NDUFAF2: variants seen among roughly 807,000 people sequenced by gnomAD.
NDUFAF2 encodes NADH:ubiquinone oxidoreductase complex assembly factor 2, also known as NADH dehydrogenase [ubiquinone] 1 alpha subcomplex assembly factor 2.
In NDUFAF2, 13 loss-of-function variants were observed where a neutral mutation model predicts 22.8. That is an observed-to-expected ratio of 0.57 (90% CI 0.37 to 0.91). The LOEUF (loss-of-function observed/expected upper bound fraction) is 0.91. Ranked by LOEUF, NDUFAF2 falls within the 40% of genes least tolerant of loss-of-function variation. NDUFAF2 has a pLI of 0.01. For synonymous variants in NDUFAF2, 53 were observed against 64.2 expected, an observed-to-expected ratio of 0.83 and a Z score of 0.84; for missense variants, 162 against 195.2, an observed-to-expected ratio of 0.83 and a Z score of 1.01.
chr5:61,063,455 C>T (rs1462562345), intron 1 of NDUFAF2, among the ~76,000 whole-genome samples: 1 of 151,994 alleles, frequency 6.6e-6, no homozygotes, highest in Non-Finnish European at 1.5e-5. Flanking sequence ...CATGTTCATG[C>T]CACTGCACTC....
intron 1 of NDUFAF2, among the ~76,000 whole-genome samples, chr5:60,956,678 G>A (rs1203303640): frequency 6.6e-6 from 1 of 152,046 alleles, no homozygotes; most frequent in Non-Finnish European, 1.5e-5. Flanking sequence ...ATTTTTTGAA[G>A]TGTTACTTAT....
chr5:61,032,346 T>A (rs529240075), intron 1 of NDUFAF2, among the ~76,000 whole-genome samples: 3 of 152,354 alleles, frequency 2.0e-5, no homozygotes, highest in Non-Finnish European at 4.4e-5. Context: ...CTTCTAGGGT[T>A]TTTATGGTTT....
chr5:61,142,773 G>A (rs1020536247), intron 3 of NDUFAF2, among the ~76,000 whole-genome samples: 1 of 151,990 alleles, frequency 6.6e-6, no homozygotes, highest in Non-Finnish European at 1.5e-5. Context: ...TTACTCTTTG[G>A]GTTTCTACTC....
chr5:61,098,325 A>G (rs564821888), intron 2 of NDUFAF2, among the ~76,000 whole-genome samples: 1 of 152,198 alleles, frequency 6.6e-6, no homozygotes, highest in African/African-American at 2.4e-5. Flanking sequence ...AGAATCTCAT[A>G]AGCACTATAC....
At chr5:61,119,209 T>C (rs1487209983) in intron 3 of NDUFAF2, among the ~76,000 whole-genome samples, 1 of 152,156 alleles carries the variant, frequency 6.6e-6, no homozygotes, top group Non-Finnish European at 1.5e-5. Flanking sequence ...TGAAAGTCCT[T>C]TTAAAAGCCT....
intron 2 of NDUFAF2, among the ~76,000 whole-genome samples, chr5:61,091,166 A>C (rs1178102843): frequency 6.6e-6 from 1 of 152,182 alleles, no homozygotes; most frequent in Non-Finnish European, 1.5e-5. Flanking sequence ...ATGTGTGTTT[A>C]TAATAGAATG....
At chr5:61,021,849 T>A (rs1178945050) in intron 1 of NDUFAF2, among the ~76,000 whole-genome samples, 1 of 152,178 alleles carries the variant, frequency 6.6e-6, no homozygotes, top group African/African-American at 2.4e-5. Flanking sequence ...AACCAACAAG[T>A]GAGAGTGAGA....
At chr5:61,088,976 G>T (rs1219591345) in intron 2 of NDUFAF2, among the ~76,000 whole-genome samples, 2 of 152,096 alleles carry the variant, frequency 1.3e-5, no homozygotes, top group Admixed American at 6.6e-5. Context: ...TGGTGATAGA[G>T]TATTTCATTT....
intron 2 of NDUFAF2, 66 bp from the exon 3 acceptor site, chr5:61,098,926 T>C: frequency 7.1e-7 from 1 of 1,404,388 alleles, no homozygotes; most frequent in Non-Finnish European, 1.0e-6. Flanking sequence ...AAAAATTTGT[T>C]TTATGGATAA....
intron 1 of NDUFAF2, among the ~76,000 whole-genome samples, chr5:61,019,553 A>C (rs1751552287): frequency 6.6e-6 from 1 of 152,070 alleles, no homozygotes; most frequent in Non-Finnish European, 1.5e-5. Flanking sequence ...AATTAAGAAA[A>C]ATTTTAAAGT....
chr5:61,111,018 A>G (rs565821607), intron 3 of NDUFAF2, among the ~76,000 whole-genome samples: 108 of 151,788 alleles, frequency 7.1e-4, no homozygotes, highest in African/African-American at 2.4e-3. Flanking sequence ...TTGTGTTTCC[A>G]TTTTCATTTG....
At chr5:61,004,707 AC>A (rs2112593082) in intron 1 of NDUFAF2, among the ~76,000 whole-genome samples, 1 of 152,178 alleles carries the variant, frequency 6.6e-6, no homozygotes, top group Non-Finnish European at 1.5e-5. Context: ...TTGTGACTCT[AC>A]CAGTCATAGA....
intron 1 of NDUFAF2, among the ~76,000 whole-genome samples, chr5:61,008,323 C>G (rs1751399642): frequency 6.6e-6 from 1 of 151,954 alleles, no homozygotes; most frequent in African/African-American, 2.4e-5. Context: ...AATGGATTTT[C>G]ACATCTCTCA....
chr5:60,983,442 T>C (rs1394489143), intron 1 of NDUFAF2, among the ~76,000 whole-genome samples: 5 of 135,406 alleles, frequency 3.7e-5, no homozygotes, highest in African/African-American at 1.4e-4. Flanking sequence ...TTGTTGCCAT[T>C]GCTTTTGGTG....
rs560938831 is a variant in NDUFAF2 at position 61,089,229 on chromosome 5, A to G, written c.218-9763A>G. 4.6e-5 allele frequency among the ~76,000 whole-genome samples: 7 copies of G among 152,216 alleles called. No individual in the cohort carries two copies. In the South Asian group the frequency reaches 1.4e-3, roughly 32 times the overall value. On this transcript the variant is annotated intron_variant, in intron 2 of 3. Coordinates refer to ENST00000296597, the MANE Select transcript of NDUFAF2 (RefSeq NM_174889.5). ...CATGCTGATGAGAATGCAAATGAAT[A>G]TTGACGAAAGAATGCTAGGATCATA...
At chr5:61,007,900 G>A (rs1470135074) in intron 1 of NDUFAF2, among the ~76,000 whole-genome samples, 1 of 151,964 alleles carries the variant, frequency 6.6e-6, no homozygotes, top group Non-Finnish European at 1.5e-5. Context: ...TTGGAACGAA[G>A]CCAAAGGTCC....
chr5:61,087,704 C>T (rs948395525), intron 2 of NDUFAF2, among the ~76,000 whole-genome samples: 4 of 151,986 alleles, frequency 2.6e-5, no homozygotes, highest in African/African-American at 9.7e-5. Flanking sequence ...ATTCTTGTAC[C>T]GGAATTTTCC....
intron 1 of NDUFAF2, among the ~76,000 whole-genome samples, chr5:60,981,698 A>C (rs1001696403): frequency 1.3e-5 from 2 of 152,186 alleles, no homozygotes; most frequent in African/African-American, 4.8e-5. Flanking sequence ...GACAGTGTAA[A>C]GTTTTTATTA....
intron 3 of NDUFAF2, among the ~76,000 whole-genome samples, chr5:61,140,456 A>G (rs1327315623): frequency 2.0e-5 from 3 of 152,202 alleles, no homozygotes; most frequent in Non-Finnish European, 4.4e-5. Flanking sequence ...GGATAAACAT[A>G]TAAGTCTCCT....
Sources: gnomAD v4.1 joint callset for allele counts (sites outside exome capture counted in the v4.1 genomes callset) on GRCh38, gnomAD v4.1.1 for gene constraint, MANE v1.5 for transcripts, NCBI Gene and HGNC (gene_info 2026-07-23, HGNC 2026-07-21) for gene names.